The following JAKMIP2 variants were observed in gnomAD, a reference collection of about 807,000 sequenced individuals.
JAKMIP2 encodes the protein janus kinase and microtubule interacting protein 2.
JAKMIP2 carries 25 observed loss-of-function variants against 115.0 expected under a neutral mutation model. The ratio of observed to expected loss-of-function variants is 0.22; its 90% CI spans 0.16 to 0.30. The LOEUF (loss-of-function observed/expected upper bound fraction) is 0.30, where lower values mean the gene tolerates loss of function less well. Ranked by LOEUF, JAKMIP2 falls within the 10% of genes least tolerant of loss-of-function variation. The pLI, the probability that JAKMIP2 is intolerant of heterozygous loss-of-function variation, is 1.00. For synonymous variants in JAKMIP2, 334 were observed against 343.6 expected (o/e 0.97, Z 0.31); for missense variants, 642 against 957.6 (o/e 0.67, Z 4.35).
chr5:147,726,298 C>G (rs927278646), intron 1 of JAKMIP2, among the ~76,000 whole-genome samples: 2 of 152,162 alleles, frequency 1.3e-5, no homozygotes, highest in Non-Finnish European at 2.9e-5. Flanking sequence ...ACGTATTTTG[C>G]TCTGCTCAGA....
chr5:147,674,942 C>T (rs1454561160), intron 1 of JAKMIP2, among the ~76,000 whole-genome samples: 2 of 152,128 alleles, frequency 1.3e-5, no homozygotes, highest in Non-Finnish European at 2.9e-5. Context: ...AGGGGTAATA[C>T]AGCCCTCAAC....
rs1405224846 is a variant in JAKMIP2 at position 147,589,080 on chromosome 5, A to AC, written c.*2626dup. 1 of 152,092 alleles carries AC rather than the reference A, an allele frequency of 6.6e-6. No individual in the cohort carries two copies. The highest frequency in any genetic ancestry group is 1.5e-5 in the Non-Finnish European group (1 of 68,014). 9.4% of individuals were successfully genotyped at this position (152,092 alleles called of 1,614,324 possible). The stretch of plus-strand genomic sequence containing the variant: ...GTTGGGTCACCAACACTGTAGAGGC[A>AC]CCCTCTTTCACATTTCTTGCCTAAT... On this transcript the variant is annotated 3_prime_UTR_variant, in exon 22 of 22. Transcript: ENST00000616793.
intron 1 of JAKMIP2, among the ~76,000 whole-genome samples, chr5:147,772,675 T>C (rs1330197799): frequency 6.6e-6 from 1 of 152,106 alleles, no homozygotes; most frequent in Non-Finnish European, 1.5e-5. Flanking sequence ...AACATTTCAC[T>C]CAGGTTTACA....
At chr5:147,598,088 T>C (rs1390976799) in intron 21 of JAKMIP2, among the ~76,000 whole-genome samples, 1 of 151,910 alleles carries the variant, frequency 6.6e-6, no homozygotes, top group African/African-American at 2.4e-5. Flanking sequence ...AACCTCCACC[T>C]CCCAGGTTCA....
intron 3 of JAKMIP2, among the ~76,000 whole-genome samples, chr5:147,657,830 C>T (rs35285805): frequency 0.077 from 11,633 of 151,878 alleles, 564 homozygotes; most frequent in Middle Eastern, 0.17. Flanking sequence ...ACGAAGTTCT[C>T]GTGCAGTGTT....
At chr5:147,778,860 T>C (rs1038983521) in intron 1 of JAKMIP2, among the ~76,000 whole-genome samples, 1 of 152,128 alleles carries the variant, frequency 6.6e-6, no homozygotes, top group African/African-American at 2.4e-5. Flanking sequence ...CTGCTAGTCA[T>C]ATAAAACCTC....
intron 1 of JAKMIP2, among the ~76,000 whole-genome samples, chr5:147,679,106 G>A (rs986251423): frequency 1.3e-5 from 2 of 151,858 alleles, no homozygotes. Flanking sequence ...TCAGCCTCCC[G>A]AGTAGCTGGC....
chr5:147,680,353 G>C (rs1439137594), intron 1 of JAKMIP2, among the ~76,000 whole-genome samples: 1 of 152,130 alleles, frequency 6.6e-6, no homozygotes, highest in East Asian at 1.9e-4. Flanking sequence ...ACATTGACAG[G>C]GTCAGTATTC....
intron 1 of JAKMIP2, among the ~76,000 whole-genome samples, chr5:147,713,456 A>C (rs1199775075): frequency 6.6e-6 from 1 of 152,176 alleles, no homozygotes; most frequent in African/African-American, 2.4e-5. Flanking sequence ...GAAACAGGTA[A>C]TCCCCTTTTC....
At chr5:147,630,240 C>T (rs1162522415) in intron 14 of JAKMIP2, among the ~76,000 whole-genome samples, 1 of 151,912 alleles carries the variant, frequency 6.6e-6, no homozygotes, top group African/African-American at 2.4e-5. Context: ...TAGTGCAGTA[C>T]CATTTTTTTA....
At chr5:147,660,498 T>G (rs1331735404) in intron 3 of JAKMIP2, 3 of 455,170 alleles carry the variant, frequency 6.6e-6, no homozygotes, top group African/African-American at 2.0e-5. Flanking sequence ...CAGTAGCTGC[T>G]GTTTTCAGAC....
At chr5:147,619,089 T>C (rs1309596149) in intron 18 of JAKMIP2, among the ~76,000 whole-genome samples, 1 of 152,166 alleles carries the variant, frequency 6.6e-6, no homozygotes, top group African/African-American at 2.4e-5. Flanking sequence ...TTTTTCTTTC[T>C]TTTTTTGATA....
chr5:147,664,739 G>A (rs755623681), intron 2 of JAKMIP2, among the ~76,000 whole-genome samples: 7 of 151,798 alleles, frequency 4.6e-5, no homozygotes, highest in South Asian at 2.1e-4. Flanking sequence ...CTACCCTACC[G>A]CAGGCTGGTA....
intron 18 of JAKMIP2, among the ~76,000 whole-genome samples, chr5:147,620,393 T>C (rs1203129181): frequency 6.6e-6 from 1 of 152,168 alleles, no homozygotes; most frequent in Non-Finnish European, 1.5e-5. Context: ...TGGGATTACA[T>C]GCATGAGGCA....
At chr5:147,773,972 A>G (rs1159545727) in intron 1 of JAKMIP2, among the ~76,000 whole-genome samples, 1 of 152,078 alleles carries the variant, frequency 6.6e-6, no homozygotes, top group Non-Finnish European at 1.5e-5. Context: ...ATTTTTCATT[A>G]TTGCTAAACA....
At chr5:147,641,597 C>A in intron 8 of JAKMIP2, 111 bp downstream of exon 8, 1 of 697,000 alleles carries the variant, frequency 1.4e-6, no homozygotes, top group Non-Finnish European at 2.5e-6. Context: ...TGGTTTGCTG[C>A]AACAGTTCTG....
chr5:147,658,704 G>A (rs767233547), intron 3 of JAKMIP2, among the ~76,000 whole-genome samples: 11 of 152,142 alleles, frequency 7.2e-5, no homozygotes, highest in Non-Finnish European at 1.2e-4. Context: ...GGAGCTGCTG[G>A]ATTTCCTGCA....
intron 12 of JAKMIP2, among the ~76,000 whole-genome samples, chr5:147,634,818 A>G (rs1169427722): frequency 6.6e-6 from 1 of 152,202 alleles, no homozygotes; most frequent in Non-Finnish European, 1.5e-5. Context: ...GAGGTAGGAC[A>G]AGCATCTTTT....
intron 2 of JAKMIP2, among the ~76,000 whole-genome samples, chr5:147,662,968 A>G (rs929775993): frequency 1.3e-5 from 2 of 151,920 alleles, no homozygotes; most frequent in East Asian, 3.9e-4. Flanking sequence ...CCTGGGAGAC[A>G]GAGTGAGATT....
Sources: gnomAD v4.1 joint callset for allele counts (sites outside exome capture counted in the v4.1 genomes callset) on GRCh38, gnomAD v4.1.1 for gene constraint, MANE v1.5 for transcripts, NCBI Gene and HGNC (gene_info 2026-07-23, HGNC 2026-07-21) for gene names.